Variants in TUT7 observed in about 807,000 individuals in gnomAD.
TUT7 encodes the protein terminal uridylyl transferase 7, also known as terminal uridylyltransferase 7.
A neutral mutation model predicts 165.9 loss-of-function variants in TUT7; 33 were observed. The ratio of observed to expected loss-of-function variants is 0.20; its 90% CI spans 0.15 to 0.27. The LOEUF (loss-of-function observed/expected upper bound fraction) is 0.27. Among genes scored for constraint, TUT7 ranks in the 10% least tolerant of loss-of-function variants. The probability of loss-of-function intolerance (pLI) is 1.00; values close to 1 mark genes in which losing one functional copy is unlikely to be tolerated. For missense variants in TUT7, 1,338 were observed against 1,762.3 expected (o/e 0.76, Z 4.31); for synonymous variants, 552 against 608.1 (o/e 0.91, Z 1.36).
At position 86,340,219 on chromosome 9, in the gene TUT7, C is replaced by G; in HGVS notation, c.1139-114G>C. 4 of 823,926 alleles carry G rather than the reference C, an allele frequency of 4.9e-6. No individual in the cohort carries two copies. In the South Asian group the frequency reaches 6.2e-5, roughly 13 times the overall value. The allele number at this position is 823,926 out of a possible 1,614,324, so 51.0% of individuals were successfully genotyped here. On this transcript the variant is annotated intron_variant, in intron 7 of 26. Transcript: ENST00000375963. ...CTTAGCTGTTGAGTCTTTTGAAAGA[C>G]CACTACTAAATAATGCTCTGCAATG... is the stretch of plus-strand genomic sequence containing the variant.
rs1288428616 is a variant in TUT7 at position 86,354,285 on chromosome 9, C to G, written c.-46G>C. ...AACCAACGTACCTCCGGGGCCAGGCCGGACAGCTACTCTGGAGTCCAGGAA... is the reference window on the plus strand; with the variant it reads ...AACCAACGTACCTCCGGGGCCAGGCGGGACAGCTACTCTGGAGTCCAGGAA... On this transcript the variant is annotated 5_prime_UTR_variant, in exon 1 of 27. Coordinates refer to ENST00000375963, the MANE Select transcript of TUT7 (RefSeq NM_024617.4). 1 of 152,824 alleles carries G rather than the reference C, an allele frequency of 6.5e-6. No homozygotes were observed. Among genetic ancestry groups the G allele is most frequent in the Non-Finnish European group, 1.5e-5 (1 of 68,192 alleles). 9.5% of individuals were successfully genotyped at this position (152,824 alleles called of 1,614,324 possible).
intron 26 of TUT7, among the ~76,000 whole-genome samples, chr9:86,297,001 A>G (rs1324391574): frequency 1.3e-5 from 2 of 152,256 alleles, no homozygotes; most frequent in African/African-American, 4.8e-5. Flanking sequence ...ATAAAGTAAC[A>G]TAATTATTGC....
chr9:86,310,625 C>T, intron 18 of TUT7, 81 bp downstream of exon 18: 1 of 723,794 alleles, frequency 1.4e-6, no homozygotes, highest in East Asian at 2.6e-5. Context: ...ATGAATGTGA[C>T]TTCTTTAACT....
intron 22 of TUT7, among the ~76,000 whole-genome samples, chr9:86,306,730 C>T (rs183042000): frequency 6.6e-5 from 10 of 151,830 alleles, no homozygotes; most frequent in East Asian, 3.9e-4. Context: ...ACCCAGGAAG[C>T]GGAGGGTGCA....
Position 86,309,974 on chromosome 9 carries a change from T to C in TUT7, c.3422A>G (p.Asp1141Gly). ...ATAGCACAAATACTTCACTCTGGGA[T>C]CAATGGCGGAATAAGCAGATAAAAG... Reference protein sequence around the residue: ...TRLLSAYSAIDPRVKYLCYTM... With the variant: ...TRLLSAYSAIGPRVKYLCYTM... The change falls in exon 19 of 27, where the codon GAT becomes GGT. Residue 1141 changes from aspartate (D) to glycine (G), a missense_variant. By Grantham distance (94) the Asp-to-Gly change is moderately conservative. Around this residue, in one of 7 missense-constraint regions of TUT7, gnomAD observed 157 missense variants for 357.5 expected, o/e 0.44. Transcript: ENST00000375963. 6.2e-7 allele frequency: 1 copy of C among 1,613,924 alleles called. No homozygotes were observed. Among genetic ancestry groups the C allele is most frequent in the Non-Finnish European group, 8.5e-7 (1 of 1,179,914 alleles).
rs762659792 is a variant in TUT7 at position 86,337,532 on chromosome 9, T to A, written c.1342A>T (p.Ser448Cys). The change falls in exon 10 of 27, where the codon AGT becomes TGT. Residue 448 changes from serine to cysteine, a missense_variant. Physicochemically the swap from Ser to Cys is moderately radical, Grantham distance 112. Coordinates refer to ENST00000375963, the MANE Select transcript of TUT7 (RefSeq NM_024617.4). ...IAFRYWAKLC[S>C]IDRPEEGGLP... ...CCTCCTTCTTCAGGGCGATCTATAC[T>A]GCAAAGCTACAAACAAGAGAAAAGA... 6.3e-7 allele frequency: 1 copy of A among 1,597,366 alleles called. No individual in the cohort carries two copies.
rs12347029 is a variant in TUT7, at chr9:86,327,642, C to T, written c.1608+698G>A. On this transcript the variant is annotated intron_variant, in intron 11 of 26. Coordinates refer to ENST00000375963, the MANE Select transcript of TUT7 (RefSeq NM_024617.4). Reference sequence around the variant, plus strand: ...AGGGTGGTACCACCACTCTCCTCCTCCTCCCAGTGTTCAAGGATTCTAGAA... The same window carrying T: ...AGGGTGGTACCACCACTCTCCTCCTTCTCCCAGTGTTCAAGGATTCTAGAA... 1.6e-3 allele frequency among the ~76,000 whole-genome samples: 249 copies of T among 152,344 alleles called. 2 individuals are homozygous for T. Among genetic ancestry groups the T allele is most frequent in the African/African-American group, 5.5e-3 (229 of 41,576 alleles).
intron 26 of TUT7, among the ~76,000 whole-genome samples, chr9:86,299,841 A>G (rs1826718015): frequency 6.6e-6 from 1 of 152,216 alleles, no homozygotes. Flanking sequence ...GTCATGAGTA[A>G]TCAACACAGG....
chr9:86,313,185 A>G (rs988649680), intron 17 of TUT7, among the ~76,000 whole-genome samples: 6 of 152,074 alleles, frequency 3.9e-5, no homozygotes, highest in African/African-American at 1.4e-4. Context: ...TATCCTTAGA[A>G]TCAAAGAGGA....
At chr9:86,352,226 G>A (rs567063306) in intron 2 of TUT7, among the ~76,000 whole-genome samples, 39 of 151,950 alleles carry the variant, frequency 2.6e-4, no homozygotes, top group African/African-American at 9.4e-4. Context: ...TATACGCAGT[G>A]TATACTGTGT....
At position 86,337,648 on chromosome 9, in the gene TUT7, T is replaced by C. The variant is rs181868143; in HGVS notation, c.1336-110A>G. 74 of 1,296,186 alleles carry C rather than the reference T, an allele frequency of 5.7e-5. No homozygotes were observed. The East Asian group carries it at 8.6e-4, about 15-fold the overall frequency. The allele number at this position is 1,296,186 out of a possible 1,614,324, so 80.3% of individuals were successfully genotyped here. A position where few individuals can be genotyped will look rare whatever the true frequency, so the allele number is the denominator to read the frequency against. On this transcript the variant is annotated intron_variant, in intron 9 of 26. Transcript: ENST00000375963. Reference sequence around the variant, plus strand: ...TTCTTGTTTACTACATGATTTACGGTAATTCTTCAGCTGAAAATAGCAGTT... The same window carrying C: ...TTCTTGTTTACTACATGATTTACGGCAATTCTTCAGCTGAAAATAGCAGTT...
At chr9:86,339,920 T>G in intron 8 of TUT7, 116 bp downstream of exon 8, 1 of 768,112 alleles carries the variant, frequency 1.3e-6, no homozygotes, top group Non-Finnish European at 2.2e-6. Flanking sequence ...AGGAACCATG[T>G]GTGATAACCA....
intron 26 of TUT7, among the ~76,000 whole-genome samples, chr9:86,291,392 G>A: frequency 6.6e-6 from 1 of 152,012 alleles, no homozygotes; most frequent in East Asian, 1.9e-4. Context: ...CCAACATGGT[G>A]AAACCCTGTC....
intron 10 of TUT7, among the ~76,000 whole-genome samples, chr9:86,333,630 T>A (rs56336288): frequency 0.048 from 7,379 of 152,304 alleles, 626 homozygotes; most frequent in African/African-American, 0.17. Flanking sequence ...GTTGTCCATT[T>A]TTTCCATTAC....
chr9:86,333,772 G>GT (rs1830526519), intron 10 of TUT7, among the ~76,000 whole-genome samples: 1 of 152,102 alleles, frequency 6.6e-6, no homozygotes, highest in African/African-American at 2.4e-5. Flanking sequence ...AGCATGCTTT[G>GT]TAATTTTTTG....
At chr9:86,292,633 C>G (rs955040032) in intron 26 of TUT7, among the ~76,000 whole-genome samples, 7 of 150,786 alleles carry the variant, frequency 4.6e-5, no homozygotes, top group African/African-American at 9.7e-5. Context: ...AGAGATTGAG[C>G]CAGGCACAGG....
intron 25 of TUT7, 139 bp from the exon 26 acceptor site, chr9:86,301,740 C>A: frequency 1.4e-6 from 2 of 1,460,002 alleles, no homozygotes; most frequent in Non-Finnish European, 1.8e-6. Flanking sequence ...AAGCAAGAAC[C>A]TAAATGAAAA....
In TUT7 at chr9:86,325,504, A is replaced by C. The variant is rs755793691; in HGVS notation, c.1619T>G (p.Ile540Arg). Residue 540 changes from isoleucine to arginine, a missense_variant, in exon 12 of 27, where the codon ATA becomes AGA. By Grantham distance (97) the Ile-to-Arg change is moderately conservative. Coordinates refer to ENST00000375963, the MANE Select transcript of TUT7 (RefSeq NM_024617.4). ...TGAAGGCTGGTGTTTCACATCCAAT[A>C]TTAATGACACCTATTAATAGCAAAG... ...TPIKRGQVSL[I>R]LDVKHQPSVP... The C allele has an allele frequency of 5.6e-6, 9 of 1,613,488 alleles. No homozygotes were observed. In the South Asian group the frequency reaches 8.8e-5, roughly 16 times the overall value.
In TUT7 at chr9:86,294,368, AT is replaced by A. The variant is rs1826129902; in HGVS notation, c.4421-5625del. On this transcript the variant is annotated intron_variant, in intron 26 of 26. Coordinates refer to ENST00000375963, the MANE Select transcript of TUT7 (RefSeq NM_024617.4). ...GTAAATGCCTCTAATAAAAATCCAA[AT>A]TTTTAGCTTTCATAAAATTACATTG... is the stretch of plus-strand genomic sequence containing the variant. Among the ~76,000 whole-genome samples the A allele has an allele frequency of 5.3e-5, 8 of 151,712 alleles. No individual in the cohort carries two copies. In the South Asian group the frequency reaches 1.5e-3, roughly 28 times the overall value.
Sources: allele counts gnomAD v4.1 joint callset (sites outside exome capture counted in the v4.1 genomes callset), GRCh38; gene constraint gnomAD v4.1.1; regional missense constraint gnomAD v4.1.1; transcripts MANE v1.5; gene names NCBI Gene and HGNC (gene_info 2026-07-23, HGNC 2026-07-21).